DOP1B: variants seen among roughly 807,000 people sequenced by gnomAD.
DOP1B encodes protein DOP1B.
Under a neutral mutation model 233.5 loss-of-function variants are expected in DOP1B, and 174 were observed. The observed-to-expected ratio is 0.75, with a 90% CI of 0.66 to 0.85. The LOEUF is 0.85. DOP1B is among the 40% of genes least tolerant of loss of function. DOP1B has a pLI of 0.00. For missense variants in DOP1B, 2,652 were observed against 2,846.6 expected (o/e 0.93, Z 1.56); for synonymous variants, 1,190 against 1,185.6 (o/e 1.00, Z -0.08).
chr21:36,234,224 ACAGAACTTGAAAC>A (rs2066800665), intron 15 of DOP1B, among the ~76,000 whole-genome samples: 1 of 152,154 alleles, frequency 6.6e-6, no homozygotes, highest in Non-Finnish European at 1.5e-5. Context: ...TCTTGAATAG[ACAGAACTTGAAAC>A]CAGGACTGGA....
chr21:36,278,711 A>G (rs2067382301), intron 30 of DOP1B, among the ~76,000 whole-genome samples: 1 of 152,086 alleles, frequency 6.6e-6, no homozygotes, highest in Non-Finnish European at 1.5e-5. Context: ...CTACAAAAAA[A>G]TTCAAAAATT....
intron 32 of DOP1B, among the ~76,000 whole-genome samples, chr21:36,286,480 C>G (rs867200823): frequency 6.6e-6 from 1 of 151,510 alleles, no homozygotes; most frequent in Non-Finnish European, 1.5e-5. Context: ...ACTAAAAATA[C>G]CAAAAATTAG....
rs117132686 is a variant in DOP1B at position 36,212,008 on chromosome 21, C to A, written c.815C>A (p.Ser272Tyr). The change falls in exon 7 of 37, where the codon TCT (serine) becomes TAT (tyrosine). Residue 272 changes from serine (S) to tyrosine (Y), a missense_variant. Ser to Tyr is a moderately radical substitution (Grantham distance 144). Coordinates refer to ENST00000691173, the MANE Select transcript of DOP1B (RefSeq NM_001320714.2). ...GAGAGAGCCATCCCCCTCCTCAGAT[C>A]TGACATCGTGCGCATTCTCTCAGCC... ...SNERAIPLLR[S>Y]DIVRILSAAT... 7.9e-4 allele frequency: 1,270 copies of A among 1,614,092 alleles called. 13 individuals carry two copies. The East Asian group carries it at 0.025, about 31-fold the overall frequency.
chr21:36,232,887 G>A lies in DOP1B; in HGVS notation c.2434G>A (p.Val812Met), dbSNP rs780193377. ...CCVTDCYLQN[V>M]AISTLLEVIN... ...TGTGACTGACTGCTACCTCCAGAAC[G>A]TGGCCATTTCCACTCTGCTGGAAGT... Residue 812 changes from valine to methionine, a missense_variant, in exon 15 of 37, where the codon GTG becomes ATG. Physicochemically the swap from Val to Met is conservative, Grantham distance 21 (BLOSUM62 1). Around this residue, in one of 3 missense-constraint regions of DOP1B, gnomAD observed 2,617 missense variants for 2,794.3 expected, o/e 0.94. Transcript: ENST00000691173. The A allele has an allele frequency of 4.3e-6, 7 of 1,613,872 alleles. No individual in the cohort carries two copies. Among genetic ancestry groups the A allele is most frequent in the Admixed American group, 1.7e-5 (1 of 59,972 alleles).
chr21:36,177,434 C>T (rs777638899), intron 2 of DOP1B, among the ~76,000 whole-genome samples: 9 of 152,190 alleles, frequency 5.9e-5, no homozygotes, highest in Admixed American at 4.6e-4. Context: ...TTTTGCCATT[C>T]TTCCTTTCAG....
intron 2 of DOP1B, among the ~76,000 whole-genome samples, chr21:36,193,816 G>A (rs2066259782): frequency 6.6e-6 from 1 of 152,110 alleles, no homozygotes; most frequent in Non-Finnish European, 1.5e-5. Flanking sequence ...TCTCCACTGG[G>A]CTACAGCTCT....
intron 1 of DOP1B, among the ~76,000 whole-genome samples, chr21:36,160,361 G>GTGCAGAGGGT (rs2065858321): frequency 1.3e-5 from 2 of 152,126 alleles, no homozygotes; most frequent in African/African-American, 4.8e-5. Context: ...AGAGAGGCAC[G>GTGCAGAGGGT]CATATGCAGA....
intron 26 of DOP1B, among the ~76,000 whole-genome samples, chr21:36,268,958 G>A (rs1399920842): frequency 1.3e-5 from 2 of 151,116 alleles, no homozygotes; most frequent in Admixed American, 6.6e-5. Context: ...GTGAGCCACC[G>A]CGCCCGGCTG....
At chr21:36,265,533 C>T (rs2067221201) in intron 26 of DOP1B, among the ~76,000 whole-genome samples, 1 of 152,212 alleles carries the variant, frequency 6.6e-6, no homozygotes, top group African/African-American at 2.4e-5. Flanking sequence ...GCTGGGATAG[C>T]ACTTGCTCAC....
rs58401743 is a variant in DOP1B at position 36,246,843 on chromosome 21, ATTATGTTATG to A, written c.4697+211_4697+220del. Among the ~76,000 whole-genome samples, 48,056 of 146,732 alleles carry A rather than the reference ATTATGTTATG, an allele frequency of 0.33. 8,670 individuals carry two copies. The highest frequency in any genetic ancestry group is 0.44 in the East Asian group (2,176 of 4,920). On this transcript the variant is annotated intron_variant, in intron 19 of 36. Transcript: ENST00000691173. The surrounding 1 kb of genome is among the most constrained non-coding windows in gnomAD (Gnocchi z 5.1). The stretch of plus-strand genomic sequence containing the variant: ...AACAAGCAACTAAATGTTCTGATCC[ATTATGTTATG>A]TTATGTTATGTTATGTTATGTTATG...
intron 4 of DOP1B, among the ~76,000 whole-genome samples, chr21:36,201,345 C>CTTGTTTTTTTTTTT (rs2066363668): frequency 1.2e-5 from 1 of 83,290 alleles, no homozygotes; most frequent in Non-Finnish European, 2.2e-5. Context: ...CTATTGGATT[C>CTTGTTTTTTTTTTT]TTTTTTTTTT....
At chr21:36,158,684 T>C (rs997332529) in intron 1 of DOP1B, among the ~76,000 whole-genome samples, 3 of 151,240 alleles carry the variant, frequency 2.0e-5, no homozygotes, top group African/African-American at 7.3e-5. Flanking sequence ...GCGCCTGTAG[T>C]CCCAGCTACT....
At position 36,200,472 on chromosome 21, in the gene DOP1B, C is replaced by A; in HGVS notation, c.462C>A (p.Gly154=). The A allele has an allele frequency of 6.2e-7, 1 of 1,611,118 alleles. No individual in the cohort carries two copies. Among genetic ancestry groups the A allele is most frequent in the Non-Finnish European group, 8.5e-7 (1 of 1,179,400 alleles). ...LQAFIVGLLP[G]LEEGSEISDR... ...CCTTCATCGTGGGCCTGCTGCCCGGCCTTGAAGAGGGCTCCGAGATCTCCG... is the reference window on the plus strand; with the variant it reads ...CCTTCATCGTGGGCCTGCTGCCCGGACTTGAAGAGGGCTCCGAGATCTCCG... Residue 154 remains glycine (G), a synonymous_variant, in exon 4 of 37, where the codon GGC becomes GGA. Transcript: ENST00000691173.
At chr21:36,281,240 G>A (rs923572867) in intron 31 of DOP1B, among the ~76,000 whole-genome samples, 1 of 152,214 alleles carries the variant, frequency 6.6e-6, no homozygotes, top group Non-Finnish European at 1.5e-5. Flanking sequence ...AGGCCGCAGT[G>A]AGCTGTGATC....
intron 2 of DOP1B, among the ~76,000 whole-genome samples, chr21:36,194,812 A>T (rs2066270497): frequency 1.3e-5 from 2 of 152,136 alleles, no homozygotes; most frequent in South Asian, 4.1e-4. Flanking sequence ...TAAAGAAGAC[A>T]ACTGCAGCTT....
At chr21:36,281,667 G>A in intron 32 of DOP1B, 56 bp downstream of exon 32, 1 of 1,395,008 alleles carries the variant, frequency 7.2e-7, no homozygotes. Context: ...CCTGAGACTG[G>A]GGAATTTATA....
intron 28 of DOP1B, among the ~76,000 whole-genome samples, chr21:36,277,306 C>T (rs2146243321): frequency 6.6e-6 from 1 of 151,996 alleles, no homozygotes; most frequent in South Asian, 2.1e-4. Flanking sequence ...TTTTTTGAGA[C>T]AGATTCTTGC....
chr21:36,169,009 T>C (rs1383443596), intron 2 of DOP1B: 17 of 790,302 alleles, frequency 2.2e-5, no homozygotes, highest in Non-Finnish European at 3.8e-5. Flanking sequence ...CTTTCTCGAG[T>C]GGTCCCATGA....
At chr21:36,267,859 A>C (rs2067248515) in intron 26 of DOP1B, among the ~76,000 whole-genome samples, 1 of 152,062 alleles carries the variant, frequency 6.6e-6, no homozygotes, top group Non-Finnish European at 1.5e-5. Context: ...TAAGGGTTTC[A>C]AAAGGGGAGG....
Sources: gnomAD v4.1 joint callset for allele counts (sites outside exome capture counted in the v4.1 genomes callset) on GRCh38, gnomAD v4.1.1 for gene constraint, gnomAD v4.1.1 regional missense constraint, Gnocchi (gnomAD v3.1) non-coding constraint, MANE v1.5 for transcripts, NCBI Gene and HGNC (gene_info 2026-07-23, HGNC 2026-07-21) for gene names.